The following ZNF536 variants were observed in gnomAD, a reference collection of about 807,000 sequenced individuals.
The protein encoded by ZNF536 is zinc finger protein 536.
In ZNF536, 13 loss-of-function variants were observed where a neutral mutation model predicts 84.5. The observed-to-expected ratio is 0.15, with a 90% confidence interval of 0.10 to 0.24. The LOEUF is 0.24. Among genes scored for constraint, ZNF536 ranks in the 10% least tolerant of loss-of-function variants. ZNF536 has a pLI of 1.00. For missense variants in ZNF536, 1,536 were observed against 1,747.5 expected, an observed-to-expected ratio of 0.88 and a Z score of 2.16; for synonymous variants, 811 against 742.5, an observed-to-expected ratio of 1.09 and a Z score of -1.50.
intron 1 of ZNF536, among the ~76,000 whole-genome samples, chr19:30,242,270 G>A (rs370223443): frequency 7.2e-5 from 11 of 152,244 alleles, no homozygotes; most frequent in African/African-American, 2.6e-4. Context: ...TAGCTACAAA[G>A]ACAAAAATGA....
At chr19:30,277,289 G>C (rs1440634788) in intron 1 of ZNF536, among the ~76,000 whole-genome samples, 1 of 152,194 alleles carries the variant, frequency 6.6e-6, no homozygotes, top group Non-Finnish European at 1.5e-5. Flanking sequence ...GAGCATCTTG[G>C]CTTTTTTTCA....
At chr19:30,293,262 C>T (rs2045898382) in intron 2 of ZNF536, among the ~76,000 whole-genome samples, 1 of 152,146 alleles carries the variant, frequency 6.6e-6, no homozygotes, top group East Asian at 1.9e-4. Context: ...CTCTGTCCAC[C>T]AGGATGTGTG....
intron 1 of ZNF536, among the ~76,000 whole-genome samples, chr19:30,414,811 G>A (rs2050643355): frequency 2.0e-5 from 3 of 152,156 alleles, no homozygotes; most frequent in African/African-American, 7.2e-5. Context: ...TGATTTCAGA[G>A]TGAGTCTGAG....
At chr19:30,523,434 C>T (rs1016675339) in intron 2 of ZNF536, among the ~76,000 whole-genome samples, 1 of 152,122 alleles carries the variant, frequency 6.6e-6, no homozygotes, top group Non-Finnish European at 1.5e-5. Flanking sequence ...ATGTAATTTG[C>T]CCAGGATTAC....
chr19:30,689,402 C>A (rs928385418), intron 1 of ZNF536, among the ~76,000 whole-genome samples: 10 of 152,222 alleles, frequency 6.6e-5, no homozygotes, highest in African/African-American at 1.9e-4. Context: ...GATGTATAGG[C>A]AGCATACCCT....
chr19:30,560,429 C>G (rs1198337910), downstream of ZNF536, among the ~76,000 whole-genome samples: 1 of 152,160 alleles, frequency 6.6e-6, no homozygotes, highest in Non-Finnish European at 1.5e-5. Flanking sequence ...CCACCTTCCC[C>G]CAAGCCACCA....
chr19:30,445,574 G>T lies in ZNF536; in HGVS notation c.2012G>T (p.Arg671Leu), dbSNP rs369935263. 1 of 1,613,202 alleles carries T rather than the reference G, an allele frequency of 6.2e-7. No homozygotes were observed. Among genetic ancestry groups the T allele is most frequent in the African/African-American group, 1.3e-5 (1 of 75,070 alleles). ...GGGCTGCACGTGGGCCTGGATGAGC[G>T]GCGTGGCTCGGGCAGTGACCAGGAG... ...EDGLHVGLDE[R>L]RGSGSDQESQ... is the part of the protein sequence containing the mutation. Residue 671 changes from arginine (R) to leucine (L), a missense_variant, in exon 2 of 5, where the codon CGG (arginine) becomes CTG (leucine). Coordinates refer to ENST00000355537, the MANE Select transcript of ZNF536 (RefSeq NM_014717.3). This position sits in a 1 kb window ranked among gnomAD's most constrained non-coding sequence, Gnocchi z 4.5.
At chr19:30,455,858 G>T (rs1296896098) in intron 2 of ZNF536, among the ~76,000 whole-genome samples, 1 of 152,082 alleles carries the variant, frequency 6.6e-6, no homozygotes, top group Non-Finnish European at 1.5e-5. Context: ...TCCTTTTTAT[G>T]CAACTAAAAA....
intron 1 of ZNF536, among the ~76,000 whole-genome samples, chr19:30,413,728 G>A (rs571268414): frequency 6.6e-6 from 1 of 152,198 alleles, no homozygotes; most frequent in African/African-American, 2.4e-5. Context: ...GTTGCTAGGT[G>A]CATAGAAGTT....
chr19:30,480,110 G>A (rs2054012185), intron 2 of ZNF536, among the ~76,000 whole-genome samples: 1 of 152,234 alleles, frequency 6.6e-6, no homozygotes, highest in South Asian at 2.1e-4. Flanking sequence ...AGATATCACA[G>A]CAGCAGGTTT....
chr19:30,630,400 CGTGT>C (rs3028497), intron 1 of ZNF536, among the ~76,000 whole-genome samples: 73,399 of 149,590 alleles, frequency 0.49, 18,043 homozygotes, highest in Middle Eastern at 0.54. Flanking sequence ...GGAAGTATCC[CGTGT>C]GTGTGTGTGT....
intron 1 of ZNF536, among the ~76,000 whole-genome samples, chr19:30,654,673 G>C (rs1443898888): frequency 6.6e-6 from 1 of 152,106 alleles, no homozygotes; most frequent in Non-Finnish European, 1.5e-5. Flanking sequence ...GCTGTAATGG[G>C]TCTCAGTGCT....
intron 2 of ZNF536, among the ~76,000 whole-genome samples, chr19:30,307,409 C>T (rs1446109306): frequency 6.7e-6 from 1 of 149,728 alleles, no homozygotes; most frequent in Non-Finnish European, 1.5e-5. Context: ...AAAATCTGTT[C>T]TGCACCTGCT....
intron 1 of ZNF536, among the ~76,000 whole-genome samples, chr19:30,577,932 G>A (rs2046795062): frequency 6.6e-6 from 1 of 152,220 alleles, no homozygotes. Context: ...TGGGGATGAA[G>A]AGAGTTTCGC....
At chr19:30,410,852 G>C (rs984263567) in intron 1 of ZNF536, among the ~76,000 whole-genome samples, 3 of 152,114 alleles carry the variant, frequency 2.0e-5, no homozygotes, top group African/African-American at 7.2e-5. Context: ...AATTTTTCAT[G>C]GATTGGCATT....
At chr19:30,709,358 T>TC in intron 1 of ZNF536, among the ~76,000 whole-genome samples, 1 of 151,936 alleles carries the variant, frequency 6.6e-6, no homozygotes, top group South Asian at 2.1e-4. Context: ...ACTCTAGAAA[T>TC]CCCCCCAGCT....
At chr19:30,651,824 C>A (rs58221719) in intron 1 of ZNF536, among the ~76,000 whole-genome samples, 2,886 of 152,230 alleles carry the variant, frequency 0.019, 87 homozygotes, top group African/African-American at 0.066. Flanking sequence ...AAAAATGAGG[C>A]GATGAGGGCA....
rs1293330660 is a variant in ZNF536, at chr19:30,534,903, G to C, written c.2227G>C (p.Asp743His). The stretch of plus-strand genomic sequence containing the variant: ...CGTCCAGCAACCAGCGCTGCTTCGC[G>C]ACAGAAGCCTGGGCTCGGCCATGAA... ...AGVQQPALLR[D>H]RSLGSAMKDC... The change falls in exon 3 of 5, where the codon GAC becomes CAC. Residue 743 changes from aspartate to histidine, a missense_variant. Physicochemically the swap from Asp to His is moderately conservative, Grantham distance 81. Around this residue, in one of 8 missense-constraint regions of ZNF536, gnomAD observed 148 missense variants for 205.4 expected, o/e 0.72. Transcript: ENST00000355537. The C allele has an allele frequency of 6.2e-7, 1 of 1,613,882 alleles. No homozygotes were observed. Among genetic ancestry groups the C allele is most frequent in the Admixed American group, 1.7e-5 (1 of 60,000 alleles).
rs577430611 is a variant in ZNF536, at chr19:30,653,744, T to G, written c.170-57013T>G. Among the ~76,000 whole-genome samples the G allele has an allele frequency of 7.6e-4, 115 of 152,152 alleles. 2 individuals carry two copies. The South Asian group carries it at 0.023, about 31-fold the overall frequency. ...TGGGAGTCACTTCCTTAGGGAGGTG[T>G]GGCTCTTCCCTTCTCCGCCAAGGGG... On this transcript the variant is annotated intron_variant, in intron 1 of 1. Transcript: ENST00000592773.
Sources: allele counts gnomAD v4.1 joint callset (sites outside exome capture counted in the v4.1 genomes callset), GRCh38; gene constraint gnomAD v4.1.1; regional missense constraint gnomAD v4.1.1; non-coding constraint Gnocchi (gnomAD v3.1); transcripts MANE v1.5; gene names NCBI Gene and HGNC (gene_info 2026-07-23, HGNC 2026-07-21).